Variants in SBF2 observed in about 807,000 individuals in gnomAD.
The protein encoded by SBF2 is myotubularin-related protein 13.
SBF2 carries 112 observed loss-of-function variants against 225.2 expected under a neutral mutation model. The observed-to-expected ratio is 0.50, with a 90% CI of 0.43 to 0.58. The LOEUF (loss-of-function observed/expected upper bound fraction) is 0.58, where lower values mean the gene tolerates loss of function less well. Ranked by LOEUF, SBF2 falls within the 20% of genes least tolerant of loss-of-function variation. SBF2 has a pLI of 0.00. For missense variants in SBF2, 1,996 were observed against 2,206.2 expected (o/e 0.90, Z 1.91); for synonymous variants, 763 against 773.3 (o/e 0.99, Z 0.22).
chr11:10,232,171 G>T (rs1369729155), intron 1 of SBF2, among the ~76,000 whole-genome samples: 1 of 152,194 alleles, frequency 6.6e-6, no homozygotes, highest in South Asian at 2.1e-4. Context: ...ACAGTATTAG[G>T]GTGGGAGTGA....
At chr11:10,169,615 T>C (rs369714334) in intron 2 of SBF2, among the ~76,000 whole-genome samples, 57 of 152,352 alleles carry the variant, frequency 3.7e-4, no homozygotes, top group Non-Finnish European at 6.6e-4. Context: ...ATCTTGGCCA[T>C]TGTGAATAGT....
At chr11:10,074,212 T>C (rs2134826302) in intron 2 of SBF2, among the ~76,000 whole-genome samples, 1 of 152,296 alleles carries the variant, frequency 6.6e-6, no homozygotes, top group African/African-American at 2.4e-5. Context: ...GAGTTCATTG[T>C]TCTCTATTTT....
At chr11:10,049,829 T>G (rs958341263) in intron 2 of SBF2, among the ~76,000 whole-genome samples, 5 of 152,212 alleles carry the variant, frequency 3.3e-5, no homozygotes, top group African/African-American at 1.2e-4. Flanking sequence ...TGGAAAGTTT[T>G]ATCAGGCTAC....
chr11:9,906,627 C>A (rs1435537895), intron 16 of SBF2, among the ~76,000 whole-genome samples: 1 of 152,136 alleles, frequency 6.6e-6, no homozygotes, highest in South Asian at 2.1e-4. Flanking sequence ...AAATTTACAA[C>A]AATAAGTCTA....
intron 9 of SBF2, among the ~76,000 whole-genome samples, chr11:9,994,806 G>C (rs1321629213): frequency 2.0e-5 from 3 of 152,186 alleles, no homozygotes; most frequent in South Asian, 2.1e-4. Flanking sequence ...GGAGGGCAAC[G>C]TGGGTGGATC....
In SBF2 at chr11:10,009,352, G is replaced by A. The variant is rs143528829; in HGVS notation, c.620-6663C>T. ...TATACCTGTGCCATGGTGGTTTGCTGCACCCATCAACCTGTCATCTACATT... is the reference window on the plus strand; with the variant it reads ...TATACCTGTGCCATGGTGGTTTGCTACACCCATCAACCTGTCATCTACATT... On this transcript the variant is annotated intron_variant, in intron 6 of 39. Transcript: ENST00000256190. 5.6e-4 allele frequency among the ~76,000 whole-genome samples: 86 copies of A among 152,218 alleles called. No homozygotes were observed. The East Asian group carries it at 0.016, about 28-fold the overall frequency.
chr11:9,979,440 A>C (rs1226027121), intron 13 of SBF2, among the ~76,000 whole-genome samples: 1 of 152,194 alleles, frequency 6.6e-6, no homozygotes, highest in Non-Finnish European at 1.5e-5. Context: ...TCATGCTGTA[A>C]TTACTTCTAC....
chr11:9,846,918 T>A (rs1214295220), intron 23 of SBF2, 38 bp downstream of exon 23: 7 of 1,612,602 alleles, frequency 4.3e-6, no homozygotes, highest in Non-Finnish European at 5.9e-6. Context: ...CTTTTGAAAA[T>A]TTTTGAATAG....
chr11:10,113,411 AC>A (rs1026816794), intron 2 of SBF2, among the ~76,000 whole-genome samples: 1 of 152,144 alleles, frequency 6.6e-6, no homozygotes, highest in African/African-American at 2.4e-5. Context: ...ATATAAACAA[AC>A]TTGTTTCATC....
At chr11:9,933,753 A>G (rs1278046295) in intron 16 of SBF2, among the ~76,000 whole-genome samples, 6 of 152,140 alleles carry the variant, frequency 3.9e-5, no homozygotes, top group African/African-American at 1.4e-4. Context: ...AAAAGAACTA[A>G]AGAAGCAAGA....
At chr11:10,099,999 T>C (rs1952207053) in intron 2 of SBF2, among the ~76,000 whole-genome samples, 1 of 152,158 alleles carries the variant, frequency 6.6e-6, no homozygotes, top group South Asian at 2.1e-4. Flanking sequence ...TTCTTATCTA[T>C]CAATAATTAC....
rs577095093 is a variant in SBF2 at position 10,251,425 on chromosome 11, C to T, written c.55+42590G>A. 1.2e-4 allele frequency among the ~76,000 whole-genome samples: 18 copies of T among 152,240 alleles called. 1 individual carries two copies. The East Asian group carries it at 3.3e-3, about 28-fold the overall frequency. On this transcript the variant is annotated intron_variant, in intron 1 of 39. Coordinates refer to ENST00000256190, the MANE Select transcript of SBF2 (RefSeq NM_030962.4). ...TTTACATTTTCTTGTGAAAGACATG[C>T]TAAATAATAGAATTGGCTAAACAGA...
intron 2 of SBF2, among the ~76,000 whole-genome samples, chr11:10,049,915 T>C (rs1472887259): frequency 6.6e-6 from 1 of 152,190 alleles, no homozygotes; most frequent in Non-Finnish European, 1.5e-5. Context: ...AGGTACATCA[T>C]TTTCTAAAAT....
intron 30 of SBF2, chr11:9,810,119 T>A (rs1170200050): frequency 6.6e-6 from 1 of 151,862 alleles, no homozygotes; most frequent in Non-Finnish European, 1.5e-5. Context: ...CTACAAAACA[T>A]ACAAAAACCA....
chr11:10,001,098 T>A (rs757705277), intron 7 of SBF2, 76 bp from the exon 8 acceptor site: 21 of 786,662 alleles, frequency 2.7e-5, no homozygotes, highest in Non-Finnish European at 4.2e-5. Flanking sequence ...TTATGCTGTG[T>A]TAAGTTTTAT....
intron 2 of SBF2, among the ~76,000 whole-genome samples, chr11:10,177,071 A>G (rs1956498303): frequency 6.6e-6 from 1 of 151,952 alleles, no homozygotes; most frequent in Admixed American, 6.6e-5. Flanking sequence ...CAGCATATAA[A>G]CAGAACCAAA....
At chr11:10,302,949 T>C in intron 1 of SBF2, 1 of 151,940 alleles carries the variant, frequency 6.6e-6, no homozygotes, top group Non-Finnish European at 1.5e-5. Context: ...GCGGGAGAAA[T>C]GAAAGTAAAA....
chr11:9,966,252 C>T (rs941992918), intron 14 of SBF2, among the ~76,000 whole-genome samples: 1 of 152,044 alleles, frequency 6.6e-6, no homozygotes, highest in Admixed American at 6.5e-5. Flanking sequence ...CCACGCCTGG[C>T]TAATTTTTTG....
At chr11:10,299,585 A>T (rs1964576827) in intron 1 of SBF2, among the ~76,000 whole-genome samples, 1 of 152,186 alleles carries the variant, frequency 6.6e-6, no homozygotes, top group African/African-American at 2.4e-5. Flanking sequence ...AATGTTGGAG[A>T]ATTTCAAAAC....
Sources: allele counts gnomAD v4.1 joint callset (sites outside exome capture counted in the v4.1 genomes callset), GRCh38; gene constraint gnomAD v4.1.1; transcripts MANE v1.5; gene names NCBI Gene and HGNC (gene_info 2026-07-23, HGNC 2026-07-21).